Variants in MDM1 observed in about 807,000 individuals in gnomAD.
MDM1 encodes stabilizer of axonemal microtubules 6, also known as Mdm1 nuclear protein.
MDM1 carries 61 observed loss-of-function variants against 89.1 expected under a neutral mutation model. That is an observed-to-expected ratio of 0.68 (90% CI 0.56 to 0.85). The LOEUF (loss-of-function observed/expected upper bound fraction) is 0.85, where lower values mean the gene tolerates loss of function less well. Ranked by LOEUF, MDM1 falls within the 40% of genes least tolerant of loss-of-function variation. MDM1 has a pLI of 0.00. For synonymous variants in MDM1, 290 were observed against 294.1 expected (o/e 0.99, Z 0.14); for missense variants, 820 against 846.5 (o/e 0.97, Z 0.39).
At chr12:68,309,656 A>G (rs777673813) in intron 12 of MDM1, among the ~76,000 whole-genome samples, 1 of 152,252 alleles carries the variant, frequency 6.6e-6, no homozygotes, top group Non-Finnish European at 1.5e-5. Flanking sequence ...AACCAATATG[A>G]GAATTCTACC....
intron 3 of MDM1, chr12:68,326,346 C>A: frequency 7.1e-7 from 1 of 1,400,186 alleles, no homozygotes; most frequent in South Asian, 1.7e-5. Flanking sequence ...GGCCTACTTC[C>A]CTTCTCTGTC....
At chr12:68,318,127 C>T (rs948518180) in intron 7 of MDM1, among the ~76,000 whole-genome samples, 1 of 152,134 alleles carries the variant, frequency 6.6e-6, no homozygotes, top group African/African-American at 2.4e-5. Context: ...CAAGAAACTC[C>T]CTGCACTCAG....
chr12:68,314,982 G>A lies in MDM1; in HGVS notation c.1495C>T (p.Arg499Cys), dbSNP rs1803332567. 6.2e-7 allele frequency: 1 copy of A among 1,613,882 alleles called. No homozygotes were observed. Among genetic ancestry groups the A allele is most frequent in the African/African-American group, 1.3e-5 (1 of 74,880 alleles). The change falls in exon 10 of 15, where the codon CGT becomes TGT. Residue 499 changes from arginine (R) to cysteine (C), a missense_variant. Coordinates refer to ENST00000682720, the MANE Select transcript of MDM1 (RefSeq NM_001354969.2). ...ATCTTATCTGCCTTAGATTTCTCAC[G>A]TACATCCAACTTCTCTTGCTCTCCC... is the stretch of plus-strand genomic sequence containing the variant. Reference protein sequence around the residue: ...FMGEQEKLDVREKSKADKMKE... With the variant: ...FMGEQEKLDVCEKSKADKMKE...
intron 4 of MDM1, among the ~76,000 whole-genome samples, chr12:68,323,664 A>G (rs1013760578): frequency 6.6e-5 from 10 of 152,012 alleles, no homozygotes; most frequent in Non-Finnish European, 1.3e-4. Context: ...TTTTCAGCGT[A>G]TTTTATTAAG....
chr12:68,316,077 C>G lies in MDM1; in HGVS notation c.1211+1G>C. 6.3e-7 allele frequency: 1 copy of G among 1,597,440 alleles called. No homozygotes were observed. The highest frequency in any genetic ancestry group is 1.1e-5 in the South Asian group (1 of 88,796). On this transcript the variant is annotated splice_donor_variant, in intron 9 of 14. Transcript: ENST00000682720. LOFTEE classifies it high-confidence loss of function. ...TTTGCCATCCACAAAGAATATCTCA[C>G]CCAGCAAGATCTAATGCTCTGATGT...
chr12:68,313,371 T>A (rs1397947915), intron 12 of MDM1, 72 bp downstream of exon 12: 4 of 1,043,776 alleles, frequency 3.8e-6, no homozygotes, highest in Non-Finnish European at 5.8e-6. Context: ...TCTTAACCCA[T>A]CATTCATTTA....
intron 14 of MDM1, among the ~76,000 whole-genome samples, chr12:68,296,275 G>A (rs562716832): frequency 3.9e-5 from 6 of 152,284 alleles, no homozygotes; most frequent in South Asian, 2.1e-4. Context: ...CAAGGTGGGC[G>A]GATCACAAGG....
chr12:68,314,040 G>T (rs1011012337), intron 10 of MDM1, among the ~76,000 whole-genome samples: 2 of 151,864 alleles, frequency 1.3e-5, no homozygotes, highest in East Asian at 3.9e-4. Context: ...GGGAGGCTGA[G>T]GCGGGAGAAT....
intron 2 of MDM1, among the ~76,000 whole-genome samples, chr12:68,328,634 T>C (rs1345854929): frequency 6.6e-6 from 1 of 152,184 alleles, no homozygotes; most frequent in Non-Finnish European, 1.5e-5. Context: ...CTAGGAAGTA[T>C]AAAAGCAAAA....
intron 1 of MDM1, chr12:68,331,907 G>A (rs979354266): frequency 1.5e-6 from 1 of 651,448 alleles, no homozygotes; most frequent in Non-Finnish European, 2.8e-6. Context: ...GGCCACAGGT[G>A]TCCCAATCTG....
chr12:68,298,636 T>G (rs934229782), intron 13 of MDM1, among the ~76,000 whole-genome samples: 2 of 152,116 alleles, frequency 1.3e-5, no homozygotes, highest in African/African-American at 4.8e-5. Flanking sequence ...TCACAATTCC[T>G]ATCTACTTGG....
intron 12 of MDM1, among the ~76,000 whole-genome samples, chr12:68,304,343 G>A (rs1307286945): frequency 1.3e-5 from 2 of 152,094 alleles, no homozygotes; most frequent in African/African-American, 2.4e-5. Context: ...TCTTGTAATT[G>A]TTGCCTTCAC....
At chr12:68,327,499 T>C (rs1453945248) in intron 2 of MDM1, 2 of 1,535,708 alleles carry the variant, frequency 1.3e-6, no homozygotes, top group Admixed American at 3.9e-5. Flanking sequence ...GTTCTACATC[T>C]GCCTTGATTT....
chr12:68,327,416 C>G (rs570512816), intron 2 of MDM1: 1 of 1,535,730 alleles, frequency 6.5e-7, no homozygotes, highest in Non-Finnish European at 8.7e-7. Context: ...AAATTTGGAA[C>G]TTTTCACAAA....
chr12:68,332,124 G>C (rs1017506071), intron 1 of MDM1, 104 bp downstream of exon 1: 13 of 1,484,216 alleles, frequency 8.8e-6, no homozygotes, highest in African/African-American at 2.8e-5. Flanking sequence ...GCTTCCGCCG[G>C]GCAGAGGGCT....
intron 2 of MDM1, 68 bp downstream of exon 2, chr12:68,331,039 T>G (rs1205649573): frequency 1.1e-6 from 1 of 891,112 alleles, no homozygotes; most frequent in Non-Finnish European, 1.9e-6. Flanking sequence ...TTAGCCCAAG[T>G]TATAACGGCT....
In MDM1 at chr12:68,331,053, C is replaced by T; in HGVS notation, c.133+54G>A. Reference sequence around the variant, plus strand: ...CTTAGCCCAAGTTATAACGGCTTGGCCCAAGTTATAAACTTAGCCCAGGTT... The same window carrying T: ...CTTAGCCCAAGTTATAACGGCTTGGTCCAAGTTATAAACTTAGCCCAGGTT... On this transcript the variant is annotated intron_variant, in intron 2 of 14. Transcript: ENST00000682720. The T allele has an allele frequency of 9.7e-6, 10 of 1,035,434 alleles. No individual in the cohort carries two copies. The Middle Eastern group carries it at 8.3e-4, about 86-fold the overall frequency. The allele number at this position is 1,035,434 out of a possible 1,614,324, so 64.1% of individuals were successfully genotyped here.
At chr12:68,320,653 G>A (rs1403690746) in intron 7 of MDM1, among the ~76,000 whole-genome samples, 2 of 152,178 alleles carry the variant, frequency 1.3e-5, no homozygotes, top group Non-Finnish European at 2.9e-5. Flanking sequence ...GGGGAAGTGG[G>A]ATGTTTACTT....
At chr12:68,331,059 T>C in intron 2 of MDM1, 48 bp downstream of exon 2, 1 of 1,104,752 alleles carries the variant, frequency 9.1e-7, no homozygotes, top group Non-Finnish European at 1.4e-6. Context: ...TTGGCCCAAG[T>C]TATAAACTTA....
Sources: allele counts gnomAD v4.1 joint callset (sites outside exome capture counted in the v4.1 genomes callset), GRCh38; gene constraint gnomAD v4.1.1; transcripts MANE v1.5; gene names NCBI Gene and HGNC (gene_info 2026-07-23, HGNC 2026-07-21).